Variants in SPTLC2 observed in about 807,000 individuals in gnomAD.
SPTLC2 encodes serine palmitoyltransferase long chain base subunit 2.
A neutral mutation model predicts 62.0 loss-of-function variants in SPTLC2; 21 were observed. The ratio of observed to expected loss-of-function variants is 0.34; its 90% CI spans 0.24 to 0.49. The LOEUF (loss-of-function observed/expected upper bound fraction) is 0.49, where lower values mean the gene tolerates loss of function less well. Ranked by LOEUF, SPTLC2 falls within the 20% of genes least tolerant of loss-of-function variation. The pLI, the probability that SPTLC2 is intolerant of heterozygous loss-of-function variation, is 0.99. For synonymous variants in SPTLC2, 261 were observed against 261.8 expected (o/e 1.00, Z 0.03); for missense variants, 511 against 713.0 (o/e 0.72, Z 3.23).
intron 2 of SPTLC2, among the ~76,000 whole-genome samples, chr14:77,595,342 G>A (rs1444059521): frequency 6.6e-6 from 1 of 152,168 alleles, no homozygotes; most frequent in Non-Finnish European, 1.5e-5. Flanking sequence ...TCCAGCCTGG[G>A]TGACTGAGCG....
At chr14:77,556,953 G>C in intron 7 of SPTLC2, 88 bp downstream of exon 7, 1 of 1,023,424 alleles carries the variant, frequency 9.8e-7, no homozygotes, top group Non-Finnish European at 1.5e-6. Context: ...GTTTCCAGAG[G>C]GGGATAGACT....
chr14:77,592,634 G>A (rs1255068807), intron 2 of SPTLC2, among the ~76,000 whole-genome samples: 1 of 151,974 alleles, frequency 6.6e-6, no homozygotes, highest in Non-Finnish European at 1.5e-5. Flanking sequence ...TCAGGGGTAC[G>A]TGTGCAGGTT....
chr14:77,608,168 C>T (rs1445861678), intron 1 of SPTLC2, among the ~76,000 whole-genome samples: 2 of 152,134 alleles, frequency 1.3e-5, no homozygotes, highest in East Asian at 1.9e-4. Flanking sequence ...CCTTCTCTGG[C>T]CTCTTCCTAC....
At chr14:77,522,359 C>T (rs908534194) in intron 9 of SPTLC2, among the ~76,000 whole-genome samples, 13 of 152,118 alleles carry the variant, frequency 8.5e-5, no homozygotes, top group Non-Finnish European at 1.5e-4. Flanking sequence ...GACAGGGTTT[C>T]GCCATGTTGG....
At chr14:77,585,365 T>A (rs943837262) in intron 2 of SPTLC2, among the ~76,000 whole-genome samples, 2 of 152,230 alleles carry the variant, frequency 1.3e-5, no homozygotes, top group African/African-American at 2.4e-5. Context: ...AAACTGAGAC[T>A]AGTATTATTC....
intron 8 of SPTLC2, among the ~76,000 whole-genome samples, chr14:77,553,062 G>A (rs1329774403): frequency 6.6e-6 from 1 of 151,930 alleles, no homozygotes; most frequent in Non-Finnish European, 1.5e-5. Flanking sequence ...AACTTACAAG[G>A]TATTTTATTA....
rs1395712494 is a variant in SPTLC2 at position 77,529,630 on chromosome 14, T to C, written c.1304-8049A>G. Among the ~76,000 whole-genome samples the C allele has an allele frequency of 2.9e-5, 4 of 137,198 alleles. No individual in the cohort carries two copies. In the East Asian group the frequency reaches 7.3e-4, roughly 25 times the overall value. 90.0% of individuals were successfully genotyped at this position (137,198 alleles called of 152,430 possible). ...GCAATTTCTTTCTTTCTTTTTTTTT[T>C]TTTTTTTTTTTTGAGACAGAGTCAT... On this transcript the variant is annotated intron_variant, in intron 9 of 11. Transcript: ENST00000216484.
At position 77,581,405 on chromosome 14, in the gene SPTLC2, C is replaced by CTTTTTTT. The variant is rs1159561282; in HGVS notation, c.328-2303_328-2297dup. Among the ~76,000 whole-genome samples, 431 of 93,996 alleles carry CTTTTTTT rather than the reference C, an allele frequency of 4.6e-3. 8 individuals are homozygous for CTTTTTTT. The highest frequency in any genetic ancestry group is 6.5e-3 in the Non-Finnish European group (323 of 49,872). 61.7% of individuals were successfully genotyped at this position (93,996 alleles called of 152,430 possible). On this transcript the variant is annotated intron_variant, in intron 2 of 11. Transcript: ENST00000216484. ...ATTTGCAGTACCTGATACCATCTCT[C>CTTTTTTT]TTTTTTTTTTTTTTTTTTTTTTGAG...
chr14:77,537,069 C>T (rs1471650969), intron 9 of SPTLC2, among the ~76,000 whole-genome samples: 1 of 151,876 alleles, frequency 6.6e-6, no homozygotes, highest in East Asian at 1.9e-4. Flanking sequence ...ACTACAGGCA[C>T]CTGCCACCAC....
intron 1 of SPTLC2, among the ~76,000 whole-genome samples, chr14:77,610,724 G>A (rs923750185): frequency 6.6e-6 from 1 of 152,024 alleles, no homozygotes; most frequent in African/African-American, 2.4e-5. Flanking sequence ...GGCTGAAGCA[G>A]GAGGATGCTT....
At chr14:77,519,426 A>G (rs1007806931) in intron 10 of SPTLC2, among the ~76,000 whole-genome samples, 1 of 152,120 alleles carries the variant, frequency 6.6e-6, no homozygotes, top group Admixed American at 6.6e-5. Flanking sequence ...GTTTGAGAAT[A>G]AAAAAATGTG....
At position 77,534,588 on chromosome 14, in the gene SPTLC2, T is replaced by TACACACACACACACACACACACACACAC. The variant is rs1555373993; in HGVS notation, c.1304-13008_1304-13007insGTGTGTGTGTGTGTGTGTGTGTGTGTGT. Among the ~76,000 whole-genome samples the TACACACACACACACACACACACACACAC allele has an allele frequency of 3.2e-3, 448 of 141,192 alleles. 4 individuals carry two copies. The highest frequency in any genetic ancestry group is 0.011 in the African/African-American group (397 of 37,570). 92.6% of individuals were successfully genotyped at this position (141,192 alleles called of 152,430 possible). ...ATAATAAACATTTCACATATTTCAG[T>TACACACACACACACACACACACACACAC]ACACACACACACACACATATGCTAA... On this transcript the variant is annotated intron_variant, in intron 9 of 11. Transcript: ENST00000216484.
chr14:77,600,158 T>C (rs1367202859), intron 1 of SPTLC2, among the ~76,000 whole-genome samples: 4 of 152,228 alleles, frequency 2.6e-5, no homozygotes, highest in Non-Finnish European at 1.5e-5. Flanking sequence ...ATTCATACTG[T>C]AGGCTGGACT....
At position 77,537,868 on chromosome 14, in the gene SPTLC2, G is replaced by C. The variant is rs191411106; in HGVS notation, c.1303+14228C>G. On this transcript the variant is annotated intron_variant, in intron 9 of 11. Transcript: ENST00000216484. ...GGTAAGCAGACAATAAACGGCCACT[G>C]TTATTTCACTTGTTCATGTATTCTT... 1.4e-4 allele frequency among the ~76,000 whole-genome samples: 21 copies of C among 152,250 alleles called. No individual in the cohort carries two copies. The South Asian group carries it at 2.9e-3, about 21-fold the overall frequency.
chr14:77,586,450 T>A (rs76308774), intron 2 of SPTLC2, among the ~76,000 whole-genome samples: 1 of 152,162 alleles, frequency 6.6e-6, no homozygotes, highest in Non-Finnish European at 1.5e-5. Flanking sequence ...TACGTACCAA[T>A]TGGAAACAGA....
chr14:77,605,152 T>C (rs1413500963), intron 1 of SPTLC2, among the ~76,000 whole-genome samples: 3 of 151,750 alleles, frequency 2.0e-5, no homozygotes, highest in Admixed American at 6.6e-5. Context: ...GCTGAGACTA[T>C]ACAAGTGCCC....
chr14:77,540,115 G>A (rs1013887300), intron 9 of SPTLC2, among the ~76,000 whole-genome samples: 2 of 150,104 alleles, frequency 1.3e-5, no homozygotes, highest in African/African-American at 4.9e-5. Context: ...AGAATCGCTC[G>A]AACCTGGGAG....
intron 1 of SPTLC2, among the ~76,000 whole-genome samples, chr14:77,604,231 A>C (rs949170578): frequency 1.3e-5 from 2 of 152,190 alleles, no homozygotes; most frequent in Admixed American, 1.3e-4. Context: ...TGGGGATTTA[A>C]AATGTCAATG....
At chr14:77,536,008 G>A (rs776913450) in intron 9 of SPTLC2, 4 of 447,298 alleles carry the variant, frequency 8.9e-6, no homozygotes, top group Non-Finnish European at 1.8e-5. Flanking sequence ...GCCATTACCT[G>A]AGATAGGAAA....
Sources: gnomAD v4.1 joint callset for allele counts (sites outside exome capture counted in the v4.1 genomes callset) on GRCh38, gnomAD v4.1.1 for gene constraint, MANE v1.5 for transcripts, NCBI Gene and HGNC (gene_info 2026-07-23, HGNC 2026-07-21) for gene names.